The following EBF2 variants were observed in gnomAD, a reference collection of about 807,000 sequenced individuals.
EBF2 encodes the protein EBF transcription factor 2, also known as transcription factor COE2.
A neutral mutation model predicts 72.8 loss-of-function variants in EBF2; 21 were observed. That is an observed-to-expected ratio of 0.29 (90% CI 0.20 to 0.42). The LOEUF (loss-of-function observed/expected upper bound fraction) is 0.42. Among genes scored for constraint, EBF2 ranks in the 10% least tolerant of loss-of-function variants. The pLI is 1.00. For missense variants in EBF2, 637 were observed against 731.2 expected, an observed-to-expected ratio of 0.87 and a Z score of 1.49; for synonymous variants, 299 against 274.2, an observed-to-expected ratio of 1.09 and a Z score of -0.89.
At chr8:25,862,833 C>T (rs1296023375) in intron 10 of EBF2, 36 bp from the exon 11 acceptor site, 1 of 1,518,720 alleles carries the variant, frequency 6.6e-7, no homozygotes, top group Admixed American at 1.9e-5. Context: ...AGTTGGTATC[C>T]TGGCTATAAA....
intron 6 of EBF2, among the ~76,000 whole-genome samples, chr8:26,004,573 G>T (rs138717470): frequency 1.3e-5 from 2 of 150,870 alleles, no homozygotes; most frequent in South Asian, 4.2e-4. Context: ...TTCTTGAGAG[G>T]CTGAGGCACA....
intron 6 of EBF2, among the ~76,000 whole-genome samples, chr8:25,984,714 C>A (rs1298021577): frequency 2.6e-5 from 4 of 151,966 alleles, no homozygotes; most frequent in African/African-American, 9.7e-5. Context: ...CCTGATTGCA[C>A]CTCAGAAACC....
In EBF2 at chr8:26,036,106, C is replaced by T. The variant is rs531623474; in HGVS notation, c.483-2953G>A. Among the ~76,000 whole-genome samples the T allele has an allele frequency of 6.2e-4, 94 of 152,270 alleles. 1 individual carries two copies. The highest frequency in any genetic ancestry group is 2.2e-3 in the African/African-American group (90 of 41,556). On this transcript the variant is annotated intron_variant, in intron 5 of 15. Transcript: ENST00000520164. ...TGCAATGCCGGGTACAATTTAATTA[C>T]AAGAGCACACACTGTCAGAACGTGC... is the stretch of plus-strand genomic sequence containing the variant.
chr8:25,898,460 A>C lies in EBF2; in HGVS notation c.634-8591T>G, dbSNP rs942449937. 7.9e-5 allele frequency among the ~76,000 whole-genome samples: 12 copies of C among 152,042 alleles called. No individual in the cohort carries two copies. The East Asian group carries it at 1.9e-3, about 24-fold the overall frequency. ...AAATCCAGTGGCAATTAAAAAAAAAAAAACCAGCTTTTCATGTCATTGAGG... is the reference window on the plus strand; with the variant it reads ...AAATCCAGTGGCAATTAAAAAAAAACAAACCAGCTTTTCATGTCATTGAGG... On this transcript the variant is annotated intron_variant, in intron 7 of 15. Coordinates refer to ENST00000520164, the MANE Select transcript of EBF2 (RefSeq NM_022659.4).
chr8:26,010,223 T>A (rs1804954462), intron 6 of EBF2, among the ~76,000 whole-genome samples: 1 of 152,166 alleles, frequency 6.6e-6, no homozygotes, highest in African/African-American at 2.4e-5. Context: ...TAATATAACT[T>A]TGTGAATATG....
At chr8:25,850,313 A>G (rs191348823) in intron 15 of EBF2, among the ~76,000 whole-genome samples, 220 of 152,200 alleles carry the variant, frequency 1.4e-3, no homozygotes, top group Non-Finnish European at 2.5e-3. Context: ...GGGTTTTACC[A>G]TGTTGGCCAG....
chr8:25,974,046 G>A (rs1275601565), intron 6 of EBF2, among the ~76,000 whole-genome samples: 1 of 152,150 alleles, frequency 6.6e-6, no homozygotes, highest in Non-Finnish European at 1.5e-5. Flanking sequence ...TGAGGTCTGA[G>A]CACCACATCT....
chr8:25,870,207 G>T (rs1802410158), intron 10 of EBF2, among the ~76,000 whole-genome samples: 1 of 151,936 alleles, frequency 6.6e-6, no homozygotes, highest in Non-Finnish European at 1.5e-5. Context: ...AGGGCAAACA[G>T]ACTTGATGAT....
intron 6 of EBF2, among the ~76,000 whole-genome samples, chr8:25,914,261 T>C (rs1414379394): frequency 6.6e-6 from 1 of 152,196 alleles, no homozygotes; most frequent in Non-Finnish European, 1.5e-5. Flanking sequence ...AACGGTGGTG[T>C]TCCAGTTGTA....
intron 7 of EBF2, among the ~76,000 whole-genome samples, chr8:25,899,137 G>A (rs1394168456): frequency 2.0e-5 from 3 of 151,964 alleles, no homozygotes; most frequent in African/African-American, 7.3e-5. Flanking sequence ...GGTGGAGGCA[G>A]CAGAAGGTTC....
intron 6 of EBF2, among the ~76,000 whole-genome samples, chr8:25,910,070 G>C (rs1803101701): frequency 6.6e-6 from 1 of 152,160 alleles, no homozygotes; most frequent in Admixed American, 6.5e-5. Flanking sequence ...AATGTTGTGC[G>C]TGGCTGTCCG....
At chr8:25,927,589 G>A (rs1174570256) in intron 6 of EBF2, among the ~76,000 whole-genome samples, 1 of 152,028 alleles carries the variant, frequency 6.6e-6, no homozygotes, top group Non-Finnish European at 1.5e-5. Context: ...CTGCTAGGGT[G>A]GGCAACTCCT....
intron 13 of EBF2, among the ~76,000 whole-genome samples, chr8:25,859,760 T>C (rs2117260401): frequency 6.6e-6 from 1 of 151,064 alleles, no homozygotes; most frequent in East Asian, 1.9e-4. Flanking sequence ...TCTGTTGCCC[T>C]GGCTGGAGTA....
chr8:25,869,537 T>G (rs565003539), intron 10 of EBF2, among the ~76,000 whole-genome samples: 18 of 152,266 alleles, frequency 1.2e-4, no homozygotes, highest in Non-Finnish European at 2.1e-4. Context: ...TCCTTTATTT[T>G]TATGTTTTCC....
chr8:25,910,007 C>G (rs908067849), intron 6 of EBF2, among the ~76,000 whole-genome samples: 1 of 152,024 alleles, frequency 6.6e-6, no homozygotes, highest in Non-Finnish European at 1.5e-5. Flanking sequence ...TCCTGTGCCC[C>G]GGAGGTGTTG....
At position 25,991,342 on chromosome 8, in the gene EBF2, A is replaced by G. The variant is rs76787415; in HGVS notation, c.551+41743T>C. Among the ~76,000 whole-genome samples the G allele has an allele frequency of 4.0e-3, 607 of 152,346 alleles. 4 individuals carry two copies. The highest frequency in any genetic ancestry group is 0.014 in the African/African-American group (576 of 41,584). On this transcript the variant is annotated intron_variant, in intron 6 of 15. Transcript: ENST00000520164. ...AATCCAATCACAATAAGCCTCACAG[A>G]GAGAAGCCTTTGTGCCTATTCTGTC...
chr8:26,026,286 T>C (rs17818448), intron 6 of EBF2, among the ~76,000 whole-genome samples: 14,338 of 152,144 alleles, frequency 0.094, 722 homozygotes, highest in South Asian at 0.12. Flanking sequence ...ACATATATAT[T>C]AATAACTCCG....
chr8:26,028,383 A>G (rs1178435959), intron 6 of EBF2, among the ~76,000 whole-genome samples: 1 of 152,366 alleles, frequency 6.6e-6, no homozygotes, highest in East Asian at 1.9e-4. Context: ...CGTGTGAGAA[A>G]TAGGTTGGAC....
At chr8:25,966,874 T>A (rs1804123744) in intron 6 of EBF2, among the ~76,000 whole-genome samples, 1 of 152,210 alleles carries the variant, frequency 6.6e-6, no homozygotes, top group Admixed American at 6.5e-5. Flanking sequence ...CAAGCTGTGG[T>A]GCCCTTCCTG....
Sources: allele counts gnomAD v4.1 joint callset (sites outside exome capture counted in the v4.1 genomes callset), GRCh38; gene constraint gnomAD v4.1.1; transcripts MANE v1.5; gene names NCBI Gene and HGNC (gene_info 2026-07-23, HGNC 2026-07-21).